Variants in PSMD1 observed in about 807,000 individuals in gnomAD.
PSMD1 encodes the protein proteasome 26S subunit, non-ATPase 1.
In PSMD1, 18 loss-of-function variants were observed where a neutral mutation model predicts 119.0. The observed-to-expected ratio is 0.15, with a 90% confidence interval of 0.10 to 0.22. The LOEUF (loss-of-function observed/expected upper bound fraction) is 0.22, where lower values mean the gene tolerates loss of function less well. PSMD1 is among the 10% of genes least tolerant of loss of function. The probability of loss-of-function intolerance (pLI) is 1.00; values close to 1 mark genes in which losing one functional copy is unlikely to be tolerated. For synonymous variants in PSMD1, 374 were observed against 396.6 expected (o/e 0.94, Z 0.68); for missense variants, 702 against 1,158.5 (o/e 0.61, Z 5.72).
At chr2:231,128,945 G>A (rs766090458) in intron 16 of PSMD1, among the ~76,000 whole-genome samples, 10 of 151,906 alleles carry the variant, frequency 6.6e-5, no homozygotes, top group Admixed American at 1.3e-4. Flanking sequence ...TTTTGTCATC[G>A]AAACTCTAGA....
chr2:231,078,897 C>T (rs2125168680), intron 10 of PSMD1, 150 bp downstream of exon 10: 5 of 535,318 alleles, frequency 9.3e-6, no homozygotes, highest in Middle Eastern at 5.2e-4. Flanking sequence ...TGGGTTCAGG[C>T]GATTCTCCTG....
At chr2:231,086,582 G>A (rs549492135) in intron 15 of PSMD1, among the ~76,000 whole-genome samples, 35 of 152,274 alleles carry the variant, frequency 2.3e-4, no homozygotes, top group Admixed American at 1.6e-3. Flanking sequence ...ACTTGAACCC[G>A]GGAGGCAGAG....
intron 15 of PSMD1, among the ~76,000 whole-genome samples, chr2:231,086,579 C>T (rs759300513): frequency 4.6e-5 from 7 of 152,290 alleles, no homozygotes; most frequent in Non-Finnish European, 1.0e-4. Flanking sequence ...AACACTTGAA[C>T]CCGGGAGGCA....
intron 16 of PSMD1, among the ~76,000 whole-genome samples, chr2:231,137,718 T>A (rs1696007884): frequency 6.6e-6 from 1 of 152,100 alleles, no homozygotes; most frequent in South Asian, 2.1e-4. Context: ...GTTCCCAGTG[T>A]TCATTGTTGC....
intron 16 of PSMD1, among the ~76,000 whole-genome samples, chr2:231,136,067 G>C (rs1695957388): frequency 6.6e-6 from 1 of 152,126 alleles, no homozygotes; most frequent in Non-Finnish European, 1.5e-5. Context: ...TGTGGTAATT[G>C]TTTTCATTCA....
At chr2:231,065,323 C>T (rs1293906644) in intron 4 of PSMD1, among the ~76,000 whole-genome samples, 1 of 150,982 alleles carries the variant, frequency 6.6e-6, no homozygotes. Context: ...GAGACAGTCT[C>T]GCTCTGTCTC....
chr2:231,113,877 G>A (rs757281938), intron 16 of PSMD1: 16 of 1,614,018 alleles, frequency 9.9e-6, no homozygotes, highest in Middle Eastern at 3.3e-4. Flanking sequence ...AAAAGAGAAC[G>A]TCAAGAAATA....
intron 16 of PSMD1, among the ~76,000 whole-genome samples, chr2:231,132,970 T>C (rs1320292734): frequency 6.6e-6 from 1 of 152,198 alleles, no homozygotes; most frequent in Non-Finnish European, 1.5e-5. Flanking sequence ...CAATGAATTG[T>C]CATGGTGGGA....
intron 13 of PSMD1, 24 bp downstream of exon 13, chr2:231,083,018 A>T (rs1559223331): frequency 6.6e-7 from 1 of 1,516,104 alleles, no homozygotes; most frequent in Non-Finnish European, 9.2e-7. Flanking sequence ...TCTAAAGCTA[A>T]CAAGCTTAAG....
At chr2:231,166,369 T>C (rs1696785373) in intron 23 of PSMD1, among the ~76,000 whole-genome samples, 1 of 152,148 alleles carries the variant, frequency 6.6e-6, no homozygotes, top group Non-Finnish European at 1.5e-5. Flanking sequence ...ACTAAATCTC[T>C]CTCTGCCTCA....
intron 16 of PSMD1, among the ~76,000 whole-genome samples, chr2:231,110,288 C>G (rs533173161): frequency 6.6e-6 from 1 of 152,260 alleles, no homozygotes; most frequent in East Asian, 1.9e-4. Context: ...CCACTGCCCT[C>G]CACGCTCAGC....
At chr2:231,083,429 C>T (rs1464210707) in intron 13 of PSMD1, 138 bp from the exon 14 acceptor site, 1 of 802,544 alleles carries the variant, frequency 1.2e-6, no homozygotes, top group Non-Finnish European at 2.0e-6. Flanking sequence ...TCCTTTTTAC[C>T]AGGTGGTTTA....
Position 231,079,524 on chromosome 2 carries a change from C to CT in PSMD1, c.1161-5dup, listed in dbSNP as rs751767026. 5 of 1,567,586 alleles carry CT rather than the reference C, an allele frequency of 3.2e-6. No homozygotes were observed. The highest frequency in any genetic ancestry group is 2.3e-5 in the South Asian group (2 of 87,046). On this transcript the variant is annotated splice_polypyrimidine_tract_variant and intron_variant, in intron 10 of 24. Transcript: ENST00000308696. ...TTTAACACTAATTAAAATACATCAT[C>CT]TTTTTTTACAGAGATAATTTGGAAT... is the stretch of plus-strand genomic sequence containing the variant.
intron 19 of PSMD1, among the ~76,000 whole-genome samples, chr2:231,154,514 C>G (rs1337910301): frequency 6.6e-6 from 1 of 152,224 alleles, no homozygotes; most frequent in Non-Finnish European, 1.5e-5. Context: ...GTCACCCAAG[C>G]CGGAGTGCAG....
At chr2:231,057,847 C>A (rs1693645938) in intron 1 of PSMD1, among the ~76,000 whole-genome samples, 1 of 152,236 alleles carries the variant, frequency 6.6e-6, no homozygotes, top group Non-Finnish European at 1.5e-5. Context: ...GATTGACTTG[C>A]ATATAGCTGT....
chr2:231,156,548 G>A (rs4635521), intron 19 of PSMD1, among the ~76,000 whole-genome samples: 67,000 of 151,870 alleles, frequency 0.44, 17,451 homozygotes, highest in African/African-American at 0.71. Flanking sequence ...TACTGTCTCT[G>A]TAGTTTTATT....
intron 6 of PSMD1, among the ~76,000 whole-genome samples, chr2:231,070,592 A>G (rs1487952577): frequency 6.6e-6 from 1 of 152,086 alleles, no homozygotes; most frequent in African/African-American, 2.4e-5. Flanking sequence ...TCTTTTCTTT[A>G]TCTCTTTCTA....
chr2:231,165,842 T>C (rs1290478496), intron 22 of PSMD1, 29 bp from the exon 23 acceptor site: 2 of 1,525,090 alleles, frequency 1.3e-6, no homozygotes, highest in Non-Finnish European at 1.8e-6. Context: ...TGAACTTCTG[T>C]TGAACTTTTT....
At chr2:231,171,478 A>G (rs182364976) in intron 24 of PSMD1, among the ~76,000 whole-genome samples, 88 of 151,874 alleles carry the variant, frequency 5.8e-4, no homozygotes, top group African/African-American at 2.0e-3. Context: ...TGTTCATCAC[A>G]TATTTGAAGA....
Sources: allele counts gnomAD v4.1 joint callset (sites outside exome capture counted in the v4.1 genomes callset), GRCh38; gene constraint gnomAD v4.1.1; transcripts MANE v1.5; gene names NCBI Gene and HGNC (gene_info 2026-07-23, HGNC 2026-07-21).